Variants in PCDHGA10 observed in about 807,000 individuals in gnomAD.
The protein encoded by PCDHGA10 is protocadherin gamma-A10.
In PCDHGA10, 42 loss-of-function variants were observed where a neutral mutation model predicts 59.5. The observed-to-expected ratio is 0.71, with a 90% CI of 0.55 to 0.91. The LOEUF (loss-of-function observed/expected upper bound fraction) is 0.91. Ranked by LOEUF, PCDHGA10 falls within the 40% of genes least tolerant of loss-of-function variation. The probability of loss-of-function intolerance (pLI) is 0.00; values close to 1 mark genes in which losing one functional copy is unlikely to be tolerated. For synonymous variants in PCDHGA10, 511 were observed against 517.2 expected (o/e 0.99, Z 0.16); for missense variants, 1,111 against 1,198.2 (o/e 0.93, Z 1.07).
At chr5:141,501,318 C>T (rs1273608837) in intron 2 of PCDHGA10, among the ~76,000 whole-genome samples, 1 of 151,766 alleles carries the variant, frequency 6.6e-6, no homozygotes, top group African/African-American at 2.4e-5. Flanking sequence ...CACACACACA[C>T]ACACACACAC....
Position 141,490,705 on chromosome 5 carries a change from C to T in PCDHGA10, c.2437-4102C>T. 1 of 1,614,194 alleles carries T rather than the reference C, an allele frequency of 6.2e-7. No individual in the cohort carries two copies. Among genetic ancestry groups the T allele is most frequent in the South Asian group, 1.1e-5 (1 of 91,082 alleles). On this transcript the variant is annotated intron_variant, in intron 1 of 3. Coordinates refer to ENST00000398610, the MANE Select transcript of PCDHGA10 (RefSeq NM_018913.3). This position sits in a 1 kb window ranked among gnomAD's most constrained non-coding sequence, Gnocchi z 5.4. ...TCCAGACACTGGGGATAATGCCCGC[C>T]TCACCTACTCCATTGTAGGAAATCA...
intron 1 of PCDHGA10, among the ~76,000 whole-genome samples, chr5:141,446,664 G>A (rs116573282): frequency 0.012 from 1,821 of 152,192 alleles, 38 homozygotes; most frequent in African/African-American, 0.042. Context: ...TTTAGTACAA[G>A]ACAGCATTTC....
In PCDHGA10 at chr5:141,432,853, C is replaced by A. The variant is rs748301578; in HGVS notation, c.2436+17242C>A. 1.1e-5 allele frequency: 17 copies of A among 1,614,176 alleles called. No homozygotes were observed. Among genetic ancestry groups the A allele is most frequent in the East Asian group, 4.5e-5 (2 of 44,874 alleles). On this transcript the variant is annotated intron_variant, in intron 1 of 3. Transcript: ENST00000398610. The surrounding 1 kb of genome is among the most constrained non-coding windows in gnomAD (Gnocchi z 6.0). ...CTCTGTACCTGGTGGTAGCGGTGGC[C>A]GCGGTCTCCTGCGTCTTCCTGGCCT...
Position 141,429,458 on chromosome 5 carries a change from T to C in PCDHGA10, c.2436+13847T>C, listed in dbSNP as rs561407449. 1.6e-4 allele frequency among the ~76,000 whole-genome samples: 25 copies of C among 152,210 alleles called. 1 individual carries two copies. The South Asian group carries it at 4.6e-3, about 28-fold the overall frequency. ...TCAAACTCTTGGGCTACAGTAATCC[T>C]CCCACCTCAATCTCCAGAGTAGCTG... On this transcript the variant is annotated intron_variant, in intron 1 of 3. Transcript: ENST00000398610.
chr5:141,422,275 A>G (rs367711513), intron 1 of PCDHGA10: 6 of 1,560,374 alleles, frequency 3.8e-6, no homozygotes, highest in East Asian at 2.2e-5. Flanking sequence ...AGAAATAACT[A>G]TCACCTCTTC....
In PCDHGA10 at chr5:141,432,967, G is replaced by T; in HGVS notation, c.2436+17356G>T. ...CAGGAGGCGGCTTGACAGGAGCGCC[G>T]GCGTCGCACTTTGTGGGCGTGGACG... On this transcript the variant is annotated intron_variant, in intron 1 of 3. Coordinates refer to ENST00000398610, the MANE Select transcript of PCDHGA10 (RefSeq NM_018913.3). The surrounding 1 kb of genome is among the most constrained non-coding windows in gnomAD (Gnocchi z 6.0). 1 of 1,614,190 alleles carries T rather than the reference G, an allele frequency of 6.2e-7. No homozygotes were observed. The highest frequency in any genetic ancestry group is 2.2e-5 in the East Asian group (1 of 44,854).
intron 1 of PCDHGA10, among the ~76,000 whole-genome samples, chr5:141,492,437 C>T (rs182333697): frequency 8.5e-5 from 13 of 152,332 alleles, no homozygotes; most frequent in Admixed American, 8.5e-4. Flanking sequence ...CAGGAGTACT[C>T]GTAGCTGATT....
Position 141,432,563 on chromosome 5 carries a change from G to T in PCDHGA10, c.2436+16952G>T. 2 of 1,613,912 alleles carry T rather than the reference G, an allele frequency of 1.2e-6. No homozygotes were observed. Among genetic ancestry groups the T allele is most frequent in the Non-Finnish European group, 1.7e-6 (2 of 1,179,996 alleles). The stretch of plus-strand genomic sequence containing the variant: ...GGTGGACAGAGACTCCGGCCAGAAC[G>T]CCTGGCTGTCCTACCGTCTGCTCAA... On this transcript the variant is annotated intron_variant, in intron 1 of 3. Transcript: ENST00000398610. The surrounding 1 kb of genome is among the most constrained non-coding windows in gnomAD (Gnocchi z 6.0).
At chr5:141,434,536 T>C (rs1037347477) in intron 1 of PCDHGA10, among the ~76,000 whole-genome samples, 7 of 152,186 alleles carry the variant, frequency 4.6e-5, no homozygotes, top group Non-Finnish European at 8.8e-5. Context: ...CCACAAACAA[T>C]AGCATGAGTG....
At chr5:141,417,740 C>A (rs2096156298) in intron 1 of PCDHGA10, 3 of 1,413,210 alleles carry the variant, frequency 2.1e-6, no homozygotes, top group East Asian at 2.5e-5. Flanking sequence ...CCCAGCACAC[C>A]AGATTGCCAG....
rs1287207695 is a variant in PCDHGA10 at position 141,414,590 on chromosome 5, G to C, written c.1415G>C (p.Gly472Ala). The C allele has an allele frequency of 1.2e-6, 2 of 1,613,936 alleles. No individual in the cohort carries two copies. The highest frequency in any genetic ancestry group is 1.1e-5 in the South Asian group (1 of 91,076). ...FTYIPENNARGASIFSVTALD... is the reference protein window; with the variant it reads ...FTYIPENNARAASIFSVTALD... ...TATATCCCAGAGAACAACGCCAGGG[G>C]TGCCTCCATCTTCTCAGTGACAGCG... is the stretch of plus-strand genomic sequence containing the variant. The change falls in exon 1 of 4, where the codon GGT becomes GCT. Residue 472 changes from glycine to alanine, a missense_variant. Physicochemically the swap from Gly to Ala is moderately conservative, Grantham distance 60. Coordinates refer to ENST00000398610, the MANE Select transcript of PCDHGA10 (RefSeq NM_018913.3).
At chr5:141,479,671 G>A (rs1484965995) in intron 1 of PCDHGA10, 1 of 152,196 alleles carries the variant, frequency 6.6e-6, no homozygotes, top group Non-Finnish European at 1.5e-5. Flanking sequence ...AACTACAAAA[G>A]GAGAGTCTTT....
chr5:141,485,408 T>C lies in PCDHGA10; in HGVS notation c.2437-9399T>C. On this transcript the variant is annotated intron_variant, in intron 1 of 3. Transcript: ENST00000398610. The surrounding 1 kb of genome is among the most constrained non-coding windows in gnomAD (Gnocchi z 5.7). ...GAACCAAAGACACTTCCGTGTGGAT[T>C]TGGACAGCGGAGCCCTGCTCATCAA... 1 of 1,614,112 alleles carries C rather than the reference T, an allele frequency of 6.2e-7. No individual in the cohort carries two copies. Among genetic ancestry groups the C allele is most frequent in the Non-Finnish European group, 8.5e-7 (1 of 1,180,034 alleles).
Position 141,485,716 on chromosome 5 carries a change from T to C in PCDHGA10, c.2437-9091T>C. Reference sequence around the variant, plus strand: ...GCTCCAATGAACACTTTGCACTGGATGTGAAGAAGCGCAGCGACGGCAGCC... The same window carrying C: ...GCTCCAATGAACACTTTGCACTGGACGTGAAGAAGCGCAGCGACGGCAGCC... On this transcript the variant is annotated intron_variant, in intron 1 of 3. Coordinates refer to ENST00000398610, the MANE Select transcript of PCDHGA10 (RefSeq NM_018913.3). The surrounding 1 kb of genome is among the most constrained non-coding windows in gnomAD (Gnocchi z 5.7). The C allele has an allele frequency of 6.2e-7, 1 of 1,614,044 alleles. No individual in the cohort carries two copies. Among genetic ancestry groups the C allele is most frequent in the Non-Finnish European group, 8.5e-7 (1 of 1,180,002 alleles).
chr5:141,458,292 T>C (rs2098941901), intron 1 of PCDHGA10, among the ~76,000 whole-genome samples: 1 of 152,146 alleles, frequency 6.6e-6, no homozygotes, highest in Admixed American at 6.5e-5. Flanking sequence ...GTCCTCATGC[T>C]GGTTTAGATA....
intron 1 of PCDHGA10, among the ~76,000 whole-genome samples, chr5:141,482,052 T>G (rs2099551017): frequency 6.7e-6 from 1 of 150,154 alleles, no homozygotes; most frequent in Non-Finnish European, 1.5e-5. Flanking sequence ...GCTGTTGCAT[T>G]CCAGCCTGGG....
intron 1 of PCDHGA10, among the ~76,000 whole-genome samples, chr5:141,430,398 C>T (rs2097281985): frequency 6.7e-6 from 1 of 150,224 alleles, no homozygotes. Flanking sequence ...AAAAAAAAAG[C>T]TCACTAAAGT....
In PCDHGA10 at chr5:141,483,740, A is replaced by T. The variant is rs2099586227; in HGVS notation, c.2437-11067A>T. Among the ~76,000 whole-genome samples, 4 of 152,148 alleles carry T rather than the reference A, an allele frequency of 2.6e-5. No homozygotes were observed. The South Asian group carries it at 8.3e-4, about 32-fold the overall frequency. ...TGGTTCCCACCATAGTCAAAAGGATATTCCTGAGGATCGAGGCTTGGAAAA... is the reference window on the plus strand; with the variant it reads ...TGGTTCCCACCATAGTCAAAAGGATTTTCCTGAGGATCGAGGCTTGGAAAA... On this transcript the variant is annotated intron_variant, in intron 1 of 3. Transcript: ENST00000398610.
chr5:141,486,940 A>T lies in PCDHGA10; in HGVS notation c.2437-7867A>T. ...CTCCATCAGTTGGTGCTGGCCACCTAATCACAAAGGTGACTGCTGTGGACT... is the reference window on the plus strand; with the variant it reads ...CTCCATCAGTTGGTGCTGGCCACCTTATCACAAAGGTGACTGCTGTGGACT... On this transcript the variant is annotated intron_variant, in intron 1 of 3. Coordinates refer to ENST00000398610, the MANE Select transcript of PCDHGA10 (RefSeq NM_018913.3). This position sits in a 1 kb window ranked among gnomAD's most constrained non-coding sequence, Gnocchi z 5.0. 6.2e-7 allele frequency: 1 copy of T among 1,614,188 alleles called. No homozygotes were observed. Among genetic ancestry groups the T allele is most frequent in the Non-Finnish European group, 8.5e-7 (1 of 1,180,032 alleles).
Sources: gnomAD v4.1 joint callset for allele counts (sites outside exome capture counted in the v4.1 genomes callset) on GRCh38, gnomAD v4.1.1 for gene constraint, Gnocchi (gnomAD v3.1) non-coding constraint, MANE v1.5 for transcripts, NCBI Gene and HGNC (gene_info 2026-07-23, HGNC 2026-07-21) for gene names.